The following SCIMP variants were observed in gnomAD, a reference collection of about 807,000 sequenced individuals.
The protein encoded by SCIMP is SLP adaptor and CSK interacting membrane protein.
In SCIMP, 18 loss-of-function variants were observed where a neutral mutation model predicts 22.0. The observed-to-expected ratio is 0.82, with a 90% CI of 0.56 to 1.21. The LOEUF (loss-of-function observed/expected upper bound fraction) is 1.21. Among genes scored for constraint, SCIMP ranks in the 50% most tolerant of loss-of-function variants. The pLI, the probability that SCIMP is intolerant of heterozygous loss-of-function variation, is 0.00. For synonymous variants in SCIMP, 53 were observed against 62.2 expected, an observed-to-expected ratio of 0.85 and a Z score of 0.70; for missense variants, 155 against 171.2, an observed-to-expected ratio of 0.91 and a Z score of 0.53.
chr17:5,227,274 C>CT (rs1251015783), intron 1 of SCIMP, among the ~76,000 whole-genome samples: 1 of 142,284 alleles, frequency 7.0e-6, no homozygotes, highest in Non-Finnish European at 1.5e-5. Context: ...GACCCTGTCT[C>CT]TATATACACA....
At chr17:5,221,919 C>CA (rs2074610895) in intron 2 of SCIMP, among the ~76,000 whole-genome samples, 1 of 151,882 alleles carries the variant, frequency 6.6e-6, no homozygotes, top group Non-Finnish European at 1.5e-5. Context: ...GTTACAGGTG[C>CA]CTGCCACCAC....
chr17:5,234,494 A>G (rs976494027), intron 1 of SCIMP: 2 of 569,038 alleles, frequency 3.5e-6, no homozygotes, highest in Non-Finnish European at 6.3e-6. Context: ...CATACACATG[A>G]GGAAAAGGCC....
intron 3 of SCIMP, chr17:5,215,245 C>G: frequency 2.3e-6 from 1 of 444,184 alleles, no homozygotes; most frequent in Non-Finnish European, 4.1e-6. Flanking sequence ...TGCTATAATT[C>G]AGAGCATGGA....
intron 1 of SCIMP, 36 bp downstream of exon 1, chr17:5,234,699 G>C: frequency 6.2e-7 from 1 of 1,607,726 alleles, no homozygotes; most frequent in Non-Finnish European, 8.5e-7. Flanking sequence ...TGTGAAGAGA[G>C]CAGGAAACTG....
intron 2 of SCIMP, among the ~76,000 whole-genome samples, chr17:5,223,069 A>T (rs1204142632): frequency 6.6e-6 from 1 of 152,194 alleles, no homozygotes; most frequent in Admixed American, 6.6e-5. Flanking sequence ...CTTCAAACAG[A>T]TTCTGCTTTC....
At chr17:5,234,713 C>A (rs747749121) in intron 1 of SCIMP, 22 bp downstream of exon 1, 1 of 1,611,342 alleles carries the variant, frequency 6.2e-7, no homozygotes, top group South Asian at 1.1e-5. Context: ...GAAACTGTCC[C>A]TTGGAAAGCT....
At position 5,214,788 on chromosome 17, in the gene SCIMP, C is replaced by T. The variant is rs762150948; in HGVS notation, c.283+137G>A. The T allele has an allele frequency of 2.1e-5, 12 of 577,372 alleles. No homozygotes were observed. In the East Asian group the frequency reaches 3.2e-4, roughly 16 times the overall value. The allele number at this position is 577,372 out of a possible 1,614,324, so 35.8% of individuals were successfully genotyped here. A position where few individuals can be genotyped will look rare whatever the true frequency, so the allele number is the denominator to read the frequency against. On this transcript the variant is annotated intron_variant, in intron 4 of 4. Coordinates refer to ENST00000574081, the MANE Select transcript of SCIMP (RefSeq NM_207103.3). ...CCGGGAGGCGGAGCTTGCAGTGAGC[C>T]GAGATCGTGCCATTGCACTCCAGCC...
At chr17:5,228,766 A>G (rs915049995) in intron 1 of SCIMP, among the ~76,000 whole-genome samples, 2 of 152,068 alleles carry the variant, frequency 1.3e-5, no homozygotes, top group African/African-American at 4.8e-5. Context: ...TCCCACACTG[A>G]TGGGCAAGCA....
rs1300100819 is a variant in SCIMP, at chr17:5,210,067, G to A, written c.*734C>T. ...CACCTATTGCAAAATGATGCTTCTA[G>A]GTGTAAATCAGAAGGTAACTTTTGT... On this transcript the variant is annotated 3_prime_UTR_variant, in exon 5 of 5. Transcript: ENST00000574081. 6.6e-6 allele frequency: 1 copy of A among 152,134 alleles called. No individual in the cohort carries two copies. The highest frequency in any genetic ancestry group is 1.5e-5 in the Non-Finnish European group (1 of 68,024). 9.4% of individuals were successfully genotyped at this position (152,134 alleles called of 1,614,324 possible).
At chr17:5,233,662 T>G (rs7211483) in intron 1 of SCIMP, among the ~76,000 whole-genome samples, 1 of 151,856 alleles carries the variant, frequency 6.6e-6, no homozygotes, top group Admixed American at 6.6e-5. Flanking sequence ...TGAGCCACCA[T>G]GCCCCGCCTG....
At chr17:5,230,738 C>A (rs2074687297) in intron 1 of SCIMP, among the ~76,000 whole-genome samples, 1 of 151,602 alleles carries the variant, frequency 6.6e-6, no homozygotes, top group Non-Finnish European at 1.5e-5. Flanking sequence ...CTAGGCAACA[C>A]AGCGAGACTT....
intron 3 of SCIMP, among the ~76,000 whole-genome samples, chr17:5,217,682 G>A (rs1219304655): frequency 6.6e-6 from 1 of 150,582 alleles, no homozygotes. Context: ...TTGTCCCTGC[G>A]ATAGTTTGCT....
At position 5,210,121 on chromosome 17, in the gene SCIMP, C is replaced by G. The variant is rs532678578; in HGVS notation, c.*680G>C. The G allele has an allele frequency of 6.6e-6, 1 of 152,276 alleles. No individual in the cohort carries two copies. Among genetic ancestry groups the G allele is most frequent in the Admixed American group, 6.5e-5 (1 of 15,284 alleles). The allele number at this position is 152,276 out of a possible 1,614,324, so 9.4% of individuals were successfully genotyped here. A position where few individuals can be genotyped will look rare whatever the true frequency, so the allele number is the denominator to read the frequency against. ...TTGTCCATTGTTACAGTACAACTTGCAAGCACGGGGAGAAAACCTAGGTGA... is the reference window on the plus strand; with the variant it reads ...TTGTCCATTGTTACAGTACAACTTGGAAGCACGGGGAGAAAACCTAGGTGA... On this transcript the variant is annotated 3_prime_UTR_variant, in exon 5 of 5. Transcript: ENST00000574081.
At chr17:5,229,265 C>T (rs2074675042) in intron 1 of SCIMP, among the ~76,000 whole-genome samples, 1 of 151,876 alleles carries the variant, frequency 6.6e-6, no homozygotes, top group African/African-American at 2.4e-5. Context: ...GGGAGAGCAA[C>T]TGAAGGCAGT....
chr17:5,224,198 G>A (rs1026049488), intron 1 of SCIMP, among the ~76,000 whole-genome samples: 1 of 152,072 alleles, frequency 6.6e-6, no homozygotes, highest in South Asian at 2.1e-4. Flanking sequence ...GCAGTGGCGC[G>A]ATCTGGGCTC....
chr17:5,216,974 A>G (rs927659353), intron 3 of SCIMP, among the ~76,000 whole-genome samples: 5 of 152,134 alleles, frequency 3.3e-5, no homozygotes, highest in Non-Finnish European at 7.4e-5. Flanking sequence ...AGGTACACTG[A>G]TTTGACTCCT....
At chr17:5,218,403 G>T (rs563369711) in intron 3 of SCIMP, among the ~76,000 whole-genome samples, 1 of 151,254 alleles carries the variant, frequency 6.6e-6, no homozygotes, top group African/African-American at 2.4e-5. Context: ...GCAGTGGCAC[G>T]ATCTTGGATC....
At chr17:5,233,528 A>G (rs906690658) in intron 1 of SCIMP, among the ~76,000 whole-genome samples, 4 of 152,034 alleles carry the variant, frequency 2.6e-5, no homozygotes, top group Non-Finnish European at 4.4e-5. Context: ...GCCCACCACC[A>G]TGCCCAGCTA....
At chr17:5,221,825 T>A (rs2074610086) in intron 2 of SCIMP, among the ~76,000 whole-genome samples, 1 of 152,038 alleles carries the variant, frequency 6.6e-6, no homozygotes, top group South Asian at 2.1e-4. Flanking sequence ...CAGGCTGGAG[T>A]GCAGTGGCGC....
Sources: allele counts gnomAD v4.1 joint callset (sites outside exome capture counted in the v4.1 genomes callset), GRCh38; gene constraint gnomAD v4.1.1; transcripts MANE v1.5; gene names NCBI Gene and HGNC (gene_info 2026-07-23, HGNC 2026-07-21).